The following KHDC1 variants were observed in gnomAD, a reference collection of about 807,000 sequenced individuals.
KHDC1 encodes KH homology domain-containing protein 1.
In KHDC1, 21 loss-of-function variants were observed where a neutral mutation model predicts 24.7. The observed-to-expected ratio is 0.85, with a 90% CI of 0.60 to 1.23. The LOEUF (loss-of-function observed/expected upper bound fraction) is 1.23, where lower values mean the gene tolerates loss of function less well. Ranked by LOEUF, KHDC1 falls within the 50% of genes most tolerant of loss-of-function variation. The probability of loss-of-function intolerance (pLI) is 0.00; values close to 1 mark genes in which losing one functional copy is unlikely to be tolerated. For missense variants in KHDC1, 274 were observed against 298.5 expected (o/e 0.92, Z 0.61); for synonymous variants, 98 against 111.7 (o/e 0.88, Z 0.77).
intron 1 of KHDC1, among the ~76,000 whole-genome samples, chr6:73,295,300 C>T (rs757139362): frequency 1.3e-5 from 2 of 152,164 alleles, no homozygotes; most frequent in Non-Finnish European, 2.9e-5. Flanking sequence ...CAGATGCCAG[C>T]ATCATGCTTC....
intron 2 of KHDC1, among the ~76,000 whole-genome samples, chr6:73,248,758 C>T (rs568874063): frequency 2.0e-4 from 31 of 152,228 alleles, no homozygotes; most frequent in African/African-American, 6.5e-4. Context: ...CTTTCAATTG[C>T]TTAATTACTG....
At chr6:73,257,207 T>G (rs1394154272) in intron 2 of KHDC1, among the ~76,000 whole-genome samples, 1 of 152,076 alleles carries the variant, frequency 6.6e-6, no homozygotes, top group Non-Finnish European at 1.5e-5. Context: ...GTGGGAAGAT[T>G]GCTTGAGCCC....
intron 2 of KHDC1, among the ~76,000 whole-genome samples, chr6:73,253,690 G>T (rs1435501668): frequency 6.6e-6 from 1 of 152,114 alleles, no homozygotes; most frequent in African/African-American, 2.4e-5. Context: ...CTTGAGCCAA[G>T]GAGCTTGAGA....
intron 1 of KHDC1, among the ~76,000 whole-genome samples, chr6:73,305,741 C>A (rs983481586): frequency 3.9e-5 from 6 of 152,164 alleles, no homozygotes; most frequent in African/African-American, 1.4e-4. Context: ...CTCACTGCAA[C>A]CTCCACCTCC....
chr6:73,309,695 C>T (rs1768043388), exon 1 of KHDC1: 5 of 1,550,206 alleles, frequency 3.2e-6, no homozygotes, highest in Non-Finnish European at 4.4e-6. Flanking sequence ...TCGGAACAGC[C>T]TCTGGAAGGC....
In KHDC1 at chr6:73,244,673, A is replaced by T. The variant is rs1582549243; in HGVS notation, c.207-2143T>A. 6.4e-4 allele frequency among the ~76,000 whole-genome samples: 4 copies of T among 6,256 alleles called. 1 individual carries two copies. The highest frequency in any genetic ancestry group is 2.7e-3 in the African/African-American group (4 of 1,464). The allele number at this position is 6,256 out of a possible 152,430, so 4.1% of individuals were successfully genotyped here. ...TCCCAGCACTTTGGGAGGCCAAGGC[A>T]GGGGGTTTGGGGGAGGTGGGCGGGG... On this transcript the variant is annotated intron_variant, in intron 2 of 4. Coordinates refer to ENST00000370384, the Ensembl canonical transcript of KHDC1.
intron 2 of KHDC1, among the ~76,000 whole-genome samples, chr6:73,271,207 TTTG>T (rs757732615): frequency 4.6e-5 from 7 of 152,010 alleles, no homozygotes; most frequent in African/African-American, 1.2e-4. Context: ...TTGGTTTTTT[TTTG>T]TTGTTGTTGT....
chr6:73,271,761 G>A (rs531115829), intron 2 of KHDC1, among the ~76,000 whole-genome samples: 7 of 151,646 alleles, frequency 4.6e-5, no homozygotes, highest in East Asian at 4.1e-4. Context: ...AGGCATGGCC[G>A]CGCATGCCTG....
rs1432421756 is a variant in KHDC1 at position 73,278,419 on chromosome 6, TCG to T, written c.206+13577_206+13578del. 5.9e-5 allele frequency among the ~76,000 whole-genome samples: 9 copies of T among 152,046 alleles called. No individual in the cohort carries two copies. The East Asian group carries it at 1.7e-3, about 29-fold the overall frequency. On this transcript the variant is annotated intron_variant, in intron 2 of 4. Transcript: ENST00000370384. The stretch of plus-strand genomic sequence containing the variant: ...TTTTTTTATTTTTAGAGACAGGGTC[TCG>T]CTACATTGCCCAGGCTGGTCTTGAA...
chr6:73,263,444 G>T, intron 2 of KHDC1: 1 of 246,356 alleles, frequency 4.1e-6, no homozygotes, highest in Non-Finnish European at 6.5e-6. Context: ...GGCATCTCTT[G>T]CTCTCAGCCC....
At chr6:73,281,033 A>T (rs561349749) in intron 2 of KHDC1, among the ~76,000 whole-genome samples, 1 of 143,012 alleles carries the variant, frequency 7.0e-6, no homozygotes. Flanking sequence ...ACATGGGGAA[A>T]CCCTGTCTCT....
intron 2 of KHDC1, among the ~76,000 whole-genome samples, chr6:73,249,604 G>GCA (rs773975484): frequency 2.6e-5 from 4 of 152,118 alleles, no homozygotes; most frequent in Non-Finnish European, 5.9e-5. Flanking sequence ...CATGGGAAGC[G>GCA]CACACACACA....
At chr6:73,241,653 G>C (rs985482455) in exon 5 of KHDC1, 1 of 1,614,170 alleles carries the variant, frequency 6.2e-7, no homozygotes, top group Non-Finnish European at 8.5e-7. Flanking sequence ...TCCAGTGTAT[G>C]GTGGCACACT....
chr6:73,248,374 CTCTCTCTCTCCTCTATCTG>C (rs1020973185), intron 2 of KHDC1, among the ~76,000 whole-genome samples: 2 of 151,924 alleles, frequency 1.3e-5, no homozygotes, highest in African/African-American at 4.8e-5. Context: ...GTCTCTCTCT[CTCTCTCTCTCCTCTATCTG>C]TCTCTCTCTC....
At chr6:73,270,570 T>C (rs1767160266) in intron 2 of KHDC1, 1 of 152,324 alleles carries the variant, frequency 6.6e-6, no homozygotes, top group African/African-American at 2.4e-5. Context: ...AACTTGGACA[T>C]ATCTTTTTGA....
chr6:73,264,062 G>C (rs1304097243), intron 2 of KHDC1, among the ~76,000 whole-genome samples: 2 of 152,142 alleles, frequency 1.3e-5, no homozygotes, highest in Non-Finnish European at 2.9e-5. Flanking sequence ...AGCTGGGCAT[G>C]GTGGTGCACG....
intron 2 of KHDC1, among the ~76,000 whole-genome samples, chr6:73,284,275 C>T (rs1767476507): frequency 6.6e-6 from 1 of 152,228 alleles, no homozygotes; most frequent in Non-Finnish European, 1.5e-5. Context: ...GTGACTTCCT[C>T]AGTTTCTCTT....
chr6:73,286,592 C>G (rs989538451), intron 2 of KHDC1, among the ~76,000 whole-genome samples: 11 of 151,980 alleles, frequency 7.2e-5, no homozygotes, highest in African/African-American at 2.7e-4. Context: ...TTTTAAAGAA[C>G]CAGATGGGGC....
At chr6:73,280,222 T>A (rs1767378127) in intron 2 of KHDC1, among the ~76,000 whole-genome samples, 1 of 152,160 alleles carries the variant, frequency 6.6e-6, no homozygotes. Flanking sequence ...AATGGCACAA[T>A]CACAACTCAC....
Sources: allele counts gnomAD v4.1 joint callset (sites outside exome capture counted in the v4.1 genomes callset), GRCh38; gene constraint gnomAD v4.1.1; transcripts MANE v1.5; gene names NCBI Gene and HGNC (gene_info 2026-07-23, HGNC 2026-07-21).